Variants in RAB11FIP3 observed in about 807,000 individuals in gnomAD.
RAB11FIP3 encodes rab11 family-interacting protein 3.
RAB11FIP3 carries 17 observed loss-of-function variants against 77.8 expected under a neutral mutation model. The observed-to-expected ratio is 0.22, with a 90% CI of 0.15 to 0.33. The LOEUF (loss-of-function observed/expected upper bound fraction) is 0.33, where lower values mean the gene tolerates loss of function less well. RAB11FIP3 is among the 10% of genes least tolerant of loss of function. RAB11FIP3 has a pLI of 1.00. For missense variants in RAB11FIP3, 1,005 were observed against 1,011.2 expected (o/e 0.99, Z 0.08); for synonymous variants, 437 against 448.2 (o/e 0.98, Z 0.31).
At chr16:465,827 A>T (rs1432617305) in intron 2 of RAB11FIP3, among the ~76,000 whole-genome samples, 1 of 151,874 alleles carries the variant, frequency 6.6e-6, no homozygotes. Flanking sequence ...CTGGTCGTGA[A>T]CTCCTGACCT....
At position 506,309 on chromosome 16, in the gene RAB11FIP3, A is replaced by G. The variant is rs1567403788; in HGVS notation, c.1499+682A>G. 6.6e-6 allele frequency among the ~76,000 whole-genome samples: 1 copy of G among 152,086 alleles called. No individual in the cohort carries two copies. The highest frequency in any genetic ancestry group is 2.1e-4 in the South Asian group (1 of 4,826). ...GTGCAAAGTAAGATGAGCTTGTCCCAGGAGTCAGCTACCCAGGCTATGACA... is the reference window on the plus strand; with the variant it reads ...GTGCAAAGTAAGATGAGCTTGTCCCGGGAGTCAGCTACCCAGGCTATGACA... On this transcript the variant is annotated intron_variant, in intron 8 of 13. Coordinates refer to ENST00000262305, the MANE Select transcript of RAB11FIP3 (RefSeq NM_014700.4). The surrounding 1 kb of genome is among the most constrained non-coding windows in gnomAD (Gnocchi z 4.5).
rs146483534 is a variant in RAB11FIP3, at chr16:488,881, G to T, written c.1146G>T (p.Thr382=). Residue 382 remains threonine (T), a synonymous_variant, in exon 5 of 14, where the codon ACG becomes ACT. Coordinates refer to ENST00000262305, the MANE Select transcript of RAB11FIP3 (RefSeq NM_014700.4). ...ACCCCCATGGCCAGTCTGTCATCAC[G>T]GTGATCGGGGGCGAGGAGCACTTTG... ...RPHPHGQSVI[T]VIGGEEHFED... 1 of 1,614,028 alleles carries T rather than the reference G, an allele frequency of 6.2e-7. No individual in the cohort carries two copies. Among genetic ancestry groups the T allele is most frequent in the Non-Finnish European group, 8.5e-7 (1 of 1,179,994 alleles).
At chr16:458,096 G>C (rs1272669885) in intron 1 of RAB11FIP3, among the ~76,000 whole-genome samples, 1 of 152,250 alleles carries the variant, frequency 6.6e-6, no homozygotes, top group African/African-American at 2.4e-5. Context: ...ATTCCACACT[G>C]TGGGGTCCCT....
chr16:480,074 G>A (rs918285886), intron 3 of RAB11FIP3, among the ~76,000 whole-genome samples: 2 of 152,110 alleles, frequency 1.3e-5, no homozygotes, highest in Admixed American at 6.6e-5. Flanking sequence ...ATCACCTGAG[G>A]TTAGGAGTTC....
In RAB11FIP3 at chr16:425,691, C is replaced by G. The variant is rs1044684067; in HGVS notation, c.-316C>G. 3.7e-6 allele frequency: 1 copy of G among 273,398 alleles called. No individual in the cohort carries two copies. Among genetic ancestry groups the G allele is most frequent in the Non-Finnish European group, 6.9e-6 (1 of 144,700 alleles). The allele number at this position is 273,398 out of a possible 1,614,324, so 16.9% of individuals were successfully genotyped here. The stretch of plus-strand genomic sequence containing the variant: ...CATCCTGCTTCACAGGCTCCGCGGC[C>G]TCCGGCCTCCTCGGCCCCCGTCCCC... On this transcript the variant is annotated 5_prime_UTR_variant, in exon 1 of 14. Transcript: ENST00000262305.
chr16:445,896 C>G (rs535700579), intron 1 of RAB11FIP3, among the ~76,000 whole-genome samples: 1 of 152,282 alleles, frequency 6.6e-6, no homozygotes, highest in Admixed American at 6.5e-5. Context: ...GAGCACCTAG[C>G]AGCCTCCAGG....
chr16:495,250 C>T (rs909923014), intron 5 of RAB11FIP3, among the ~76,000 whole-genome samples: 2 of 151,914 alleles, frequency 1.3e-5, no homozygotes, highest in African/African-American at 4.8e-5. Flanking sequence ...ACAGCAGGCA[C>T]AGGAGCAGCC....
intron 4 of RAB11FIP3, among the ~76,000 whole-genome samples, chr16:487,745 A>G (rs1023126913): frequency 1.3e-5 from 2 of 152,176 alleles, no homozygotes; most frequent in Non-Finnish European, 2.9e-5. Context: ...GCTGTTTCAC[A>G]TGGCCCCCGG....
rs905462759 is a variant in RAB11FIP3, at chr16:472,653, A to G, written c.903+1264A>G. On this transcript the variant is annotated intron_variant, in intron 3 of 13. Coordinates refer to ENST00000262305, the MANE Select transcript of RAB11FIP3 (RefSeq NM_014700.4). This position sits in a 1 kb window ranked among gnomAD's most constrained non-coding sequence, Gnocchi z 4.1. ...TTCCTGGGCGTTCATGTGCCTGTGC[A>G]CTCTTTCTCACGTGTATCCGTCTTT... is the stretch of plus-strand genomic sequence containing the variant. 4.6e-5 allele frequency among the ~76,000 whole-genome samples: 7 copies of G among 151,668 alleles called. No individual in the cohort carries two copies. Among genetic ancestry groups the G allele is most frequent in the Non-Finnish European group, 1.0e-4 (7 of 67,950 alleles).
intron 3 of RAB11FIP3, among the ~76,000 whole-genome samples, chr16:478,332 G>A (rs1485738309): frequency 6.6e-6 from 1 of 151,882 alleles, no homozygotes; most frequent in African/African-American, 2.4e-5. Context: ...AGCTGGGACT[G>A]CAGGCACGTG....
At chr16:455,403 G>A (rs1417370707) in intron 1 of RAB11FIP3, among the ~76,000 whole-genome samples, 1 of 151,678 alleles carries the variant, frequency 6.6e-6, no homozygotes, top group African/African-American at 2.4e-5. Context: ...GAACCCGGGA[G>A]GTGGAGGCTG....
At chr16:502,091 T>C (rs1387052238) in intron 6 of RAB11FIP3, among the ~76,000 whole-genome samples, 1 of 152,276 alleles carries the variant, frequency 6.6e-6, no homozygotes, top group Admixed American at 6.5e-5. Context: ...GGCTTGGTAC[T>C]GAGGTTCCCA....
intron 1 of RAB11FIP3, among the ~76,000 whole-genome samples, chr16:437,802 T>C (rs538482838): frequency 1.3e-5 from 2 of 152,250 alleles, no homozygotes; most frequent in African/African-American, 2.4e-5. Flanking sequence ...GTAATTATTA[T>C]TATTTTTTGA....
intron 1 of RAB11FIP3, chr16:439,535 C>A (rs957050736): frequency 3.3e-5 from 5 of 152,224 alleles, no homozygotes; most frequent in African/African-American, 9.6e-5. Flanking sequence ...AGCTCTTCAG[C>A]CTTTAGGTCT....
At chr16:439,068 T>C (rs1174987206) in intron 1 of RAB11FIP3, among the ~76,000 whole-genome samples, 1 of 152,122 alleles carries the variant, frequency 6.6e-6, no homozygotes, top group Non-Finnish European at 1.5e-5. Flanking sequence ...ACTGCAGCCT[T>C]GAACTCCTGG....
chr16:474,582 GGA>G (rs1204223468), intron 3 of RAB11FIP3, among the ~76,000 whole-genome samples: 1 of 152,140 alleles, frequency 6.6e-6, no homozygotes, highest in African/African-American at 2.4e-5. Context: ...GGAAAGTCAG[GGA>G]GTGTAAGGCG....
intron 5 of RAB11FIP3, among the ~76,000 whole-genome samples, chr16:492,420 G>A (rs1419826411): frequency 1.4e-5 from 2 of 141,022 alleles, no homozygotes; most frequent in South Asian, 4.4e-4. Context: ...GCCGCCCAGG[G>A]CCCTCCCCGG....
rs1232995285 is a variant in RAB11FIP3 at position 425,784 on chromosome 16, C to G, written c.-223C>G. ...CCTCGCCGCCCTCCCTAGGCCGCCC[C>G]GCCGCCATGGGCCTGCGCCCGCCGC... On this transcript the variant is annotated 5_prime_UTR_variant, in exon 1 of 14. Transcript: ENST00000262305. 14 of 335,634 alleles carry G rather than the reference C, an allele frequency of 4.2e-5. No individual in the cohort carries two copies. The highest frequency in any genetic ancestry group is 2.9e-4 in the African/African-American group (13 of 44,628). 20.8% of individuals were successfully genotyped at this position (335,634 alleles called of 1,614,324 possible). A position where few individuals can be genotyped will look rare whatever the true frequency, so the allele number is the denominator to read the frequency against.
chr16:474,915 A>C, intron 3 of RAB11FIP3: 1 of 1,536,236 alleles, frequency 6.5e-7, no homozygotes, highest in Non-Finnish European at 8.8e-7. Flanking sequence ...AGGTGAGCGC[A>C]CAGGCTTTGC....
Sources: allele counts gnomAD v4.1 joint callset (sites outside exome capture counted in the v4.1 genomes callset), GRCh38; gene constraint gnomAD v4.1.1; non-coding constraint Gnocchi (gnomAD v3.1); transcripts MANE v1.5; gene names NCBI Gene and HGNC (gene_info 2026-07-23, HGNC 2026-07-21).